The following MAG variants were observed in gnomAD, a reference collection of about 807,000 sequenced individuals.
MAG encodes the protein myelin associated glycoprotein.
Under a neutral mutation model 60.7 loss-of-function variants are expected in MAG, and 30 were observed. The ratio of observed to expected loss-of-function variants is 0.49; its 90% CI spans 0.37 to 0.67. The LOEUF (loss-of-function observed/expected upper bound fraction) is 0.67, where lower values mean the gene tolerates loss of function less well. Among genes scored for constraint, MAG ranks in the 30% least tolerant of loss-of-function variants. MAG has a pLI of 0.00. For synonymous variants in MAG, 384 were observed against 376.8 expected, an observed-to-expected ratio of 1.02 and a Z score of -0.22; for missense variants, 795 against 851.7, an observed-to-expected ratio of 0.93 and a Z score of 0.83.
intron 2 of MAG, among the ~76,000 whole-genome samples, chr19:35,294,886 G>A (rs1416244755): frequency 2.6e-5 from 4 of 152,166 alleles, no homozygotes; most frequent in Non-Finnish European, 5.9e-5. Flanking sequence ...CTGCAGTTGA[G>A]TGAGCCACGA....
At chr19:35,298,682 C>CAT (rs906978528) in intron 4 of MAG, among the ~76,000 whole-genome samples, 5 of 148,434 alleles carry the variant, frequency 3.4e-5, no homozygotes, top group Admixed American at 2.0e-4. Context: ...CCACACACCG[C>CAT]ATACACACCA....
At chr19:35,312,269 C>T in intron 10 of MAG, 1 of 1,613,376 alleles carries the variant, frequency 6.2e-7, no homozygotes, top group Non-Finnish European at 8.5e-7. Context: ...ACTGCATTTC[C>T]TTCTCCAATA....
At chr19:35,313,241 G>C in intron 10 of MAG, 49 bp from the exon 11 acceptor site, 1 of 1,570,868 alleles carries the variant, frequency 6.4e-7, no homozygotes, top group Non-Finnish European at 8.6e-7. Flanking sequence ...CTCTGCATTG[G>C]GAAAAGGCAG....
rs1423822306 is a variant in MAG, at chr19:35,293,678, C to G, written c.-79-557C>G. ...GCCCCCACCCTGGGCCTTCCTGGCC[C>G]TGCTCAAAGGCCAGCCAGGAGTGCC... On this transcript the variant is annotated intron_variant, in intron 1 of 10. Transcript: ENST00000392213. This position sits in a 1 kb window ranked among gnomAD's most constrained non-coding sequence, Gnocchi z 4.0. Among the ~76,000 whole-genome samples, 2 of 152,080 alleles carry G rather than the reference C, an allele frequency of 1.3e-5. No individual in the cohort carries two copies. The highest frequency in any genetic ancestry group is 4.8e-5 in the African/African-American group (2 of 41,404).
At chr19:35,304,467 C>T (rs746416696) in intron 7 of MAG, among the ~76,000 whole-genome samples, 5 of 152,134 alleles carry the variant, frequency 3.3e-5, no homozygotes, top group South Asian at 4.1e-4. Context: ...AGCAAATGCG[C>T]GTTAGGGGCC....
chr19:35,303,286 C>T (rs887368212), intron 7 of MAG, among the ~76,000 whole-genome samples: 3 of 152,160 alleles, frequency 2.0e-5, no homozygotes, highest in African/African-American at 4.8e-5. Context: ...CTGCACTAAC[C>T]GAAACAATGA....
In MAG at chr19:35,302,616, C is replaced by T. The variant is rs369453547; in HGVS notation, c.1139C>T (p.Pro380Leu). ...GAGAGCGAGCTGCAGCTGGAGCTGCCGGCCGTGTCACCCGAGGATGATGGA... is the reference window on the plus strand; with the variant it reads ...GAGAGCGAGCTGCAGCTGGAGCTGCTGGCCGTGTCACCCGAGGATGATGGA... ...IYESELQLEL[P>L]AVSPEDDGEY... The change falls in exon 7 of 11, where the codon CCG becomes CTG. Residue 380 changes from proline (P) to leucine (L), a missense_variant. Transcript: ENST00000392213. The T allele has an allele frequency of 1.9e-5, 31 of 1,614,050 alleles. No homozygotes were observed. Among genetic ancestry groups the T allele is most frequent in the Admixed American group, 1.7e-4 (10 of 60,002 alleles).
In MAG at chr19:35,293,059, G is replaced by C. The variant is rs1050097820; in HGVS notation, c.-80+855G>C. On this transcript the variant is annotated intron_variant, in intron 1 of 10. Coordinates refer to ENST00000392213, the MANE Select transcript of MAG (RefSeq NM_002361.4). The surrounding 1 kb of genome is among the most constrained non-coding windows in gnomAD (Gnocchi z 4.0). Reference sequence around the variant, plus strand: ...CCCATCCCGAGAACTTGTTTTCCCCGCTGTTAAGAGTGCATGGTCTACCTG... The same window carrying C: ...CCCATCCCGAGAACTTGTTTTCCCCCCTGTTAAGAGTGCATGGTCTACCTG... 6.6e-6 allele frequency among the ~76,000 whole-genome samples: 1 copy of C among 152,062 alleles called. No homozygotes were observed. The highest frequency in any genetic ancestry group is 6.6e-5 in the Admixed American group (1 of 15,264).
chr19:35,302,418 T>C (rs1364542003), intron 6 of MAG, 30 bp from the exon 7 acceptor site: 2 of 1,610,360 alleles, frequency 1.2e-6, no homozygotes, highest in South Asian at 2.2e-5. Flanking sequence ...CCTCCTGGGT[T>C]CTGACCATCA....
In MAG at chr19:35,313,289, G is replaced by A; in HGVS notation, c.1717-1G>A. 6.2e-7 allele frequency: 1 copy of A among 1,613,002 alleles called. No homozygotes were observed. The highest frequency in any genetic ancestry group is 8.5e-7 in the Non-Finnish European group (1 of 1,179,522). On this transcript the variant is annotated splice_acceptor_variant, in intron 10 of 10. Coordinates refer to ENST00000392213, the MANE Select transcript of MAG (RefSeq NM_002361.4). LOFTEE classifies it high-confidence loss of function. Reference sequence around the variant, plus strand: ...TGCTAATGGGCGGTTTCCCCTCTTAGAGCGAGAGGCGCCTGGGATCTGAGA... The same window carrying A: ...TGCTAATGGGCGGTTTCCCCTCTTAAAGCGAGAGGCGCCTGGGATCTGAGA...
At chr19:35,312,399 T>G (rs1248927653) in intron 10 of MAG, 1 of 1,369,112 alleles carries the variant, frequency 7.3e-7, no homozygotes, top group Non-Finnish European at 1.0e-6. Context: ...CATGTCCGTG[T>G]GTCCCTGTCA....
At chr19:35,311,712 G>A (rs2066528340) in intron 9 of MAG, among the ~76,000 whole-genome samples, 2 of 152,356 alleles carry the variant, frequency 1.3e-5, no homozygotes, top group South Asian at 2.1e-4. Context: ...TCAGGGGCCA[G>A]GTGGCTCGTC....
At chr19:35,298,998 A>G (rs2066424932) in intron 4 of MAG, among the ~76,000 whole-genome samples, 1 of 150,164 alleles carries the variant, frequency 6.7e-6, no homozygotes, top group Non-Finnish European at 1.5e-5. Flanking sequence ...CACATACTAC[A>G]CAAACCACAC....
intron 6 of MAG, 124 bp from the exon 7 acceptor site, chr19:35,302,324 T>G: frequency 2.6e-6 from 3 of 1,173,144 alleles, no homozygotes; most frequent in Non-Finnish European, 3.6e-6. Flanking sequence ...TGGGGTCACC[T>G]GAGCCTTCCT....
At position 35,302,574 on chromosome 19, in the gene MAG, T is replaced by C; in HGVS notation, c.1097T>C (p.Leu366Pro). Residue 366 changes from leucine to proline, a missense_variant, in exon 7 of 11, where the codon CTG becomes CCG. By Grantham distance (98) the Leu-to-Pro change is moderately conservative (BLOSUM62 -3). Coordinates refer to ENST00000392213, the MANE Select transcript of MAG (RefSeq NM_002361.4). ...ILTIFKEKQI[L>P]STVIYESELQ... ...ACCATCTTCAAGGAGAAGCAGATCC[T>C]GTCCACGGTCATCTACGAGAGCGAG... 1 of 1,614,226 alleles carries C rather than the reference T, an allele frequency of 6.2e-7. No homozygotes were observed. The highest frequency in any genetic ancestry group is 8.5e-7 in the Non-Finnish European group (1 of 1,180,048).
In MAG at chr19:35,293,455, T is replaced by C. The variant is rs1170752930; in HGVS notation, c.-79-780T>C. On this transcript the variant is annotated intron_variant, in intron 1 of 10. Transcript: ENST00000392213. The surrounding 1 kb of genome is among the most constrained non-coding windows in gnomAD (Gnocchi z 4.0). ...TCAGGGTCCTGTCTGGGTGTCTGTA[T>C]GAGTCTCCGCTGCGTGTGCCTGCCC... Among the ~76,000 whole-genome samples the C allele has an allele frequency of 6.6e-6, 1 of 152,090 alleles. No homozygotes were observed. The highest frequency in any genetic ancestry group is 2.4e-5 in the African/African-American group (1 of 41,400).
intron 5 of MAG, 75 bp downstream of exon 5, chr19:35,299,925 C>T (rs1281972870): frequency 1.1e-5 from 10 of 948,124 alleles, no homozygotes; most frequent in Non-Finnish European, 6.4e-6. Flanking sequence ...CCTGGGGATG[C>T]GGCCGGAGGC....
At chr19:35,301,527 G>T (rs566427363) in intron 6 of MAG, among the ~76,000 whole-genome samples, 1 of 144,928 alleles carries the variant, frequency 6.9e-6, no homozygotes, top group Non-Finnish European at 1.5e-5. Context: ...CCACTTCCCT[G>T]TTCAAGCAAT....
chr19:35,304,539 A>G (rs2066470639), intron 7 of MAG, among the ~76,000 whole-genome samples: 1 of 150,856 alleles, frequency 6.6e-6, no homozygotes, highest in South Asian at 2.1e-4. Context: ...TATTTTTATT[A>G]TTATTATTAT....
Sources: allele counts gnomAD v4.1 joint callset (sites outside exome capture counted in the v4.1 genomes callset), GRCh38; gene constraint gnomAD v4.1.1; non-coding constraint Gnocchi (gnomAD v3.1); transcripts MANE v1.5; gene names NCBI Gene and HGNC (gene_info 2026-07-23, HGNC 2026-07-21).